TLK1: variants seen among roughly 807,000 people sequenced by gnomAD.
TLK1 encodes the protein tousled like kinase 1.
TLK1 carries 24 observed loss-of-function variants against 105.3 expected under a neutral mutation model. The observed-to-expected ratio is 0.23, with a 90% CI of 0.17 to 0.32. The LOEUF is 0.32. TLK1 is among the 10% of genes least tolerant of loss of function. The pLI is 1.00. For missense variants in TLK1, 558 were observed against 910.5 expected (o/e 0.61, Z 4.98); for synonymous variants, 321 against 310.4 (o/e 1.03, Z -0.36).
chr2:171,122,755 T>C (rs1213548359), intron 1 of TLK1, among the ~76,000 whole-genome samples: 1 of 152,002 alleles, frequency 6.6e-6, no homozygotes, highest in Non-Finnish European at 1.5e-5. Context: ...TATTTTATAA[T>C]AGGCCAGGTG....
chr2:171,220,688 C>T (rs567689733), intron 1 of TLK1, among the ~76,000 whole-genome samples: 1 of 152,162 alleles, frequency 6.6e-6, no homozygotes, highest in South Asian at 2.1e-4. Context: ...CCAAGTTTCC[C>T]CTCACCCATA....
intron 2 of TLK1, among the ~76,000 whole-genome samples, chr2:171,110,447 G>T (rs1156399018): frequency 6.6e-6 from 1 of 152,194 alleles, no homozygotes; most frequent in Non-Finnish European, 1.5e-5. Flanking sequence ...CCAGTTGGGC[G>T]ACAGAGCAAG....
chr2:171,083,313 CT>C (rs1235506697), intron 2 of TLK1, among the ~76,000 whole-genome samples: 1 of 151,878 alleles, frequency 6.6e-6, no homozygotes, highest in Non-Finnish European at 1.5e-5. Context: ...TCCTGTTTTT[CT>C]TTTTTTTAAA....
At position 171,210,769 on chromosome 2, in the gene TLK1, C is replaced by T. The variant is rs1384982111; in HGVS notation, c.-6+20376G>A. ...GGACAATTTACAAGGGAGAATTTGC[C>T]GGCTAATTAAATTAGGGCAAGGTTA... On this transcript the variant is annotated intron_variant, in intron 1 of 20. Transcript: ENST00000521943. 3.3e-5 allele frequency among the ~76,000 whole-genome samples: 5 copies of T among 151,978 alleles called. No individual in the cohort carries two copies. In the East Asian group the frequency reaches 7.7e-4, roughly 23 times the overall value.
intron 6 of TLK1, 48 bp from the exon 7 acceptor site, chr2:171,055,220 A>AC (rs747954555): frequency 6.3e-5 from 71 of 1,135,202 alleles, no homozygotes; most frequent in Non-Finnish European, 7.7e-5. Context: ...AAAAAAAAAA[A>AC]ACACAAAACA....
chr2:171,224,807 T>C (rs1444069682), intron 1 of TLK1, among the ~76,000 whole-genome samples: 1 of 152,198 alleles, frequency 6.6e-6, no homozygotes, highest in Non-Finnish European at 1.5e-5. Flanking sequence ...CAAAACTCAC[T>C]ATAAAGCTAT....
chr2:171,199,983 G>T (rs1015582061), intron 1 of TLK1, among the ~76,000 whole-genome samples: 6 of 152,156 alleles, frequency 3.9e-5, no homozygotes, highest in African/African-American at 1.4e-4. Flanking sequence ...TACAATAATG[G>T]CCAATGACTC....
In TLK1 at chr2:171,029,480, A is replaced by C. The variant is rs529140238; in HGVS notation, c.1170-1075T>G. ...CCCCGTCTCAATCTCCCTCACCCCC[A>C]AAAAAGCACTAAATTCTTATACTCC... On this transcript the variant is annotated intron_variant, in intron 11 of 20. Transcript: ENST00000431350. Among the ~76,000 whole-genome samples, 15 of 152,126 alleles carry C rather than the reference A, an allele frequency of 9.9e-5. 1 individual carries two copies. In the South Asian group the frequency reaches 1.2e-3, roughly 13 times the overall value.
At chr2:171,228,682 C>T (rs534606049) in intron 1 of TLK1, among the ~76,000 whole-genome samples, 7 of 152,304 alleles carry the variant, frequency 4.6e-5, no homozygotes, top group South Asian at 4.1e-4. Flanking sequence ...CAGTTGACAG[C>T]GTTTAAACTC....
intron 3 of TLK1, among the ~76,000 whole-genome samples, chr2:171,075,755 T>C (rs145757296): frequency 2.0e-5 from 3 of 152,332 alleles, no homozygotes; most frequent in Non-Finnish European, 4.4e-5. Context: ...AAAATGGTTA[T>C]GCTTTTAATA....
At chr2:171,017,748 T>C (rs1019378817) in intron 12 of TLK1, among the ~76,000 whole-genome samples, 5 of 152,230 alleles carry the variant, frequency 3.3e-5, no homozygotes, top group African/African-American at 9.6e-5. Context: ...TCCATTTGAA[T>C]TGTTAAGTTT....
intron 1 of TLK1, among the ~76,000 whole-genome samples, chr2:171,186,379 G>A (rs114564464): frequency 0.029 from 4,478 of 152,270 alleles, 207 homozygotes; most frequent in African/African-American, 0.1. Context: ...TCAGGGAGAT[G>A]AGACAGTCCC....
intron 18 of TLK1, among the ~76,000 whole-genome samples, chr2:171,000,037 A>C (rs1684284021): frequency 6.6e-6 from 1 of 152,106 alleles, no homozygotes; most frequent in African/African-American, 2.4e-5. Flanking sequence ...GTGAGCCCCC[A>C]TACCTGGCCA....
intron 2 of TLK1, among the ~76,000 whole-genome samples, chr2:171,101,631 T>C (rs1052734647): frequency 2.0e-5 from 3 of 152,198 alleles, no homozygotes; most frequent in African/African-American, 7.2e-5. Flanking sequence ...TGATGGTATG[T>C]TAATTATATC....
intron 1 of TLK1, among the ~76,000 whole-genome samples, chr2:171,168,851 C>T (rs1692665095): frequency 6.6e-6 from 1 of 152,130 alleles, no homozygotes; most frequent in Non-Finnish European, 1.5e-5. Flanking sequence ...GAAGCAGAGG[C>T]AGGTGGATCA....
intron 4 of TLK1, 103 bp downstream of exon 4, chr2:171,060,978 A>G: frequency 8.5e-7 from 1 of 1,175,862 alleles, no homozygotes; most frequent in Non-Finnish European, 1.2e-6. Context: ...ACCAAAATTT[A>G]CAACTTCATA....
At chr2:171,022,086 A>AAAACACACACACACACACACAC (rs1553605634) in intron 12 of TLK1, among the ~76,000 whole-genome samples, 2 of 103,010 alleles carry the variant, frequency 1.9e-5, no homozygotes, top group African/African-American at 6.0e-5. Flanking sequence ...CTGGGCGAAA[A>AAAACACACACACACACACACAC]ACACACACAC....
chr2:171,150,233 G>A (rs1238345969), intron 1 of TLK1, among the ~76,000 whole-genome samples: 2 of 151,974 alleles, frequency 1.3e-5, no homozygotes, highest in African/African-American at 2.4e-5. Flanking sequence ...AACATTTACC[G>A]AAAGCCCTAA....
chr2:171,046,175 G>C lies in TLK1; in HGVS notation c.1168C>G (p.Leu390Val). The change falls in exon 11 of 21, where the codon CTG becomes GTG. Residue 390 changes from leucine (L) to valine (V), a missense_variant and splice_region_variant. Leu to Val is a conservative substitution (Grantham distance 32, BLOSUM62 1). Around this residue, in one of 5 missense-constraint regions of TLK1, gnomAD observed 218 missense variants for 492.9 expected, o/e 0.44. Transcript: ENST00000431350. ...GAAAAATTTTAAATGGAGGCTTACA[G>C]TTGTGGTAAATTTGGTCTAACAAAG... is the stretch of plus-strand genomic sequence containing the variant. ...DPFVRPNLPQ[L>V]LTLAEYHEQE... 1 of 1,566,538 alleles carries C rather than the reference G, an allele frequency of 6.4e-7. No individual in the cohort carries two copies. Among genetic ancestry groups the C allele is most frequent in the Non-Finnish European group, 8.6e-7 (1 of 1,160,270 alleles).
Sources: gnomAD v4.1 joint callset for allele counts (sites outside exome capture counted in the v4.1 genomes callset) on GRCh38, gnomAD v4.1.1 for gene constraint, gnomAD v4.1.1 regional missense constraint, MANE v1.5 for transcripts, NCBI Gene and HGNC (gene_info 2026-07-23, HGNC 2026-07-21) for gene names.